LAMA2: variants seen among roughly 807,000 people sequenced by gnomAD.
The protein encoded by LAMA2 is laminin subunit alpha-2.
Under a neutral mutation model 364.8 loss-of-function variants are expected in LAMA2, and 269 were observed. That is an observed-to-expected ratio of 0.74 (90% CI 0.67 to 0.82). LAMA2 has a LOEUF of 0.82. Among genes scored for constraint, LAMA2 ranks in the 40% least tolerant of loss-of-function variants. The pLI, the probability that LAMA2 is intolerant of heterozygous loss-of-function variation, is 0.00. For synonymous variants in LAMA2, 1,379 were observed against 1,370.6 expected (o/e 1.01, Z -0.14); for missense variants, 3,807 against 3,873.2 (o/e 0.98, Z 0.45).
intron 14 of LAMA2, among the ~76,000 whole-genome samples, chr6:129,255,194 T>C (rs1786558269): frequency 1.3e-5 from 2 of 151,566 alleles, no homozygotes; most frequent in African/African-American, 4.8e-5. Flanking sequence ...GATCACGAGG[T>C]CAGTTGTTCG....
Position 129,423,103 on chromosome 6 carries a change from A to G in LAMA2, c.5866-4649A>G, listed in dbSNP as rs1313822354. Among the ~76,000 whole-genome samples the G allele has an allele frequency of 3.9e-5, 6 of 152,122 alleles. No individual in the cohort carries two copies. The South Asian group carries it at 1.2e-3, about 31-fold the overall frequency. On this transcript the variant is annotated intron_variant, in intron 40 of 64. Transcript: ENST00000421865. ...GCAAACTATATAATCACCTCAATTG[A>G]TACAGCAAAGGCATTTGACAAAATG...
intron 4 of LAMA2, among the ~76,000 whole-genome samples, chr6:129,123,806 T>A (rs1264266178): frequency 6.6e-6 from 1 of 152,226 alleles, no homozygotes; most frequent in African/African-American, 2.4e-5. Context: ...GTCCTCGAGA[T>A]CTACTGTACC....
In LAMA2 at chr6:129,047,092, A is replaced by C. The variant is rs963154858; in HGVS notation, c.113-2826A>C. Reference sequence around the variant, plus strand: ...AGAAAATAAAATGTCTAAGATAGATAATGGCGTGGAGACCATCTAATTATT... The same window carrying C: ...AGAAAATAAAATGTCTAAGATAGATCATGGCGTGGAGACCATCTAATTATT... On this transcript the variant is annotated intron_variant, in intron 1 of 64. Transcript: ENST00000421865. 4.9e-4 allele frequency among the ~76,000 whole-genome samples: 74 copies of C among 152,240 alleles called. 2 individuals carry two copies. Among genetic ancestry groups the C allele is most frequent in the Non-Finnish European group, 1.6e-4 (11 of 68,038 alleles).
chr6:128,913,583 T>G (rs1778120506), intron 1 of LAMA2, among the ~76,000 whole-genome samples: 1 of 152,196 alleles, frequency 6.6e-6, no homozygotes, highest in South Asian at 2.1e-4. Context: ...TGTAGCTTAT[T>G]GCAACACAGT....
rs143376366 is a variant in LAMA2 at position 129,486,716 on chromosome 6, G to A, written c.7898+94G>A. 8.0e-4 allele frequency: 935 copies of A among 1,175,642 alleles called. 3 individuals are homozygous for A. In the African/African-American group the frequency reaches 0.01, roughly 13 times the overall value. 72.8% of individuals were successfully genotyped at this position (1,175,642 alleles called of 1,614,324 possible). A position where few individuals can be genotyped will look rare whatever the true frequency, so the allele number is the denominator to read the frequency against. ...TCAGTATCTGCCTGAACCTCTGTGT[G>A]TGTGGACCTACTATGCATTGCAAAA... On this transcript the variant is annotated intron_variant, in intron 56 of 64. Transcript: ENST00000421865.
At position 129,507,568 on chromosome 6, in the gene LAMA2, G is replaced by A. The variant is rs1786199999; in HGVS notation, c.8783G>A (p.Ser2928Asn). Residue 2928 changes from serine (S) to asparagine (N), a missense_variant, in exon 62 of 65, where the codon AGC (serine) becomes AAC (asparagine). Physicochemically the swap from Ser to Asn is conservative, Grantham distance 46. This residue lies in a region of LAMA2 where 3,333 missense variants were observed against 3,345.7 expected (regional missense o/e 1.00). Transcript: ENST00000421865. ...GCCGATCTGGAACAACCCACCTCCA[G>A]CTTCCATGTTGGGACATGTTTTGCA... ...APADLEQPTS[S>N]FHVGTCFANA... 1 of 1,614,026 alleles carries A rather than the reference G, an allele frequency of 6.2e-7. No homozygotes were observed. The highest frequency in any genetic ancestry group is 8.5e-7 in the Non-Finnish European group (1 of 1,179,988).
At chr6:128,883,797 T>TACAC (rs1445558389) in intron 1 of LAMA2, among the ~76,000 whole-genome samples, 1 of 133,714 alleles carries the variant, frequency 7.5e-6, no homozygotes, top group African/African-American at 3.2e-5. Context: ...TATATATATA[T>TACAC]ATATACACAC....
chr6:129,356,762 CA>C (rs1234542561), intron 32 of LAMA2, among the ~76,000 whole-genome samples: 1 of 152,048 alleles, frequency 6.6e-6, no homozygotes, highest in African/African-American at 2.4e-5. Context: ...GCTAAAATTA[CA>C]AAATGAGAAA....
rs374448875 is a variant in LAMA2 at position 129,219,890 on chromosome 6, A to C, written c.1782+27037A>C. On this transcript the variant is annotated intron_variant, in intron 12 of 64. Coordinates refer to ENST00000421865, the MANE Select transcript of LAMA2 (RefSeq NM_000426.4). ...TGCTAAATGACGAGTTAATGGGTGC[A>C]GCACACCAGCATGGCACATGTATAC... 3.7e-4 allele frequency among the ~76,000 whole-genome samples: 56 copies of C among 151,170 alleles called. No individual in the cohort carries two copies. The East Asian group carries it at 0.01, about 28-fold the overall frequency.
At chr6:129,324,506 A>G (rs1775154862) in intron 28 of LAMA2, among the ~76,000 whole-genome samples, 1 of 152,194 alleles carries the variant, frequency 6.6e-6, no homozygotes, top group Non-Finnish European at 1.5e-5. Flanking sequence ...GTACTCAACT[A>G]TTATATTATG....
rs539282468 is a variant in LAMA2, at chr6:129,385,411, C to G, written c.5071+2178C>G. Among the ~76,000 whole-genome samples the G allele has an allele frequency of 7.2e-5, 11 of 151,902 alleles. No homozygotes were observed. In the South Asian group the frequency reaches 2.3e-3, roughly 32 times the overall value. On this transcript the variant is annotated intron_variant, in intron 35 of 64. Coordinates refer to ENST00000421865, the MANE Select transcript of LAMA2 (RefSeq NM_000426.4). ...AGTAGGTTATACTGTATATCCACAC[C>G]TCTTTTTCTCTCTCTCTAAACTATA...
chr6:129,132,214 T>C (rs1777528356), intron 4 of LAMA2, among the ~76,000 whole-genome samples: 1 of 150,748 alleles, frequency 6.6e-6, no homozygotes, highest in Non-Finnish European at 1.5e-5. Flanking sequence ...TCACCCAGGC[T>C]GGAGTGCAGT....
At chr6:129,329,512 C>T (rs1323611313) in intron 29 of LAMA2, among the ~76,000 whole-genome samples, 1 of 152,144 alleles carries the variant, frequency 6.6e-6, no homozygotes, top group Admixed American at 6.5e-5. Context: ...CAGGCTCACG[C>T]CACCACACCT....
In LAMA2 at chr6:129,260,842, T is replaced by C; in HGVS notation, c.2208+20T>C. 6 of 1,397,312 alleles carry C rather than the reference T, an allele frequency of 4.3e-6. No homozygotes were observed. The highest frequency in any genetic ancestry group is 6.1e-6 in the Non-Finnish European group (6 of 982,466). The allele number at this position is 1,397,312 out of a possible 1,614,324, so 86.6% of individuals were successfully genotyped here. On this transcript the variant is annotated intron_variant, in intron 15 of 64. Transcript: ENST00000421865. ...TGTGAAGTAAGCTTGCAAGAATGTA[T>C]CCTTAGTGCTTTCAAAGTTCCCTCA...
intron 1 of LAMA2, chr6:128,929,764 G>T: frequency 1.8e-6 from 2 of 1,119,894 alleles, no homozygotes; most frequent in Non-Finnish European, 2.7e-6. Flanking sequence ...ATTGGAAAAC[G>T]TGTAAAACCA....
intron 1 of LAMA2, among the ~76,000 whole-genome samples, chr6:128,895,352 G>A (rs79349632): frequency 1.8e-3 from 269 of 151,996 alleles, no homozygotes; most frequent in African/African-American, 6.2e-3. Flanking sequence ...TGAACTCATG[G>A]CGGGGCGCGG....
chr6:129,419,554 A>C (rs888888735), intron 40 of LAMA2, among the ~76,000 whole-genome samples: 4 of 152,126 alleles, frequency 2.6e-5, no homozygotes, highest in African/African-American at 9.7e-5. Context: ...ATAGGTACTG[A>C]GCAATTATGT....
chr6:129,260,781 G>A lies in LAMA2; in HGVS notation c.2167G>A (p.Val723Met), dbSNP rs1349825232. 3 of 1,612,332 alleles carry A rather than the reference G, an allele frequency of 1.9e-6. No individual in the cohort carries two copies. The highest frequency in any genetic ancestry group is 1.7e-6 in the Non-Finnish European group (2 of 1,178,542). Residue 723 changes from valine to methionine, a missense_variant, in exon 15 of 65, where the codon GTG becomes ATG. Val to Met is a conservative substitution (Grantham distance 21). Around this residue, in one of 3 missense-constraint regions of LAMA2, gnomAD observed 3,333 missense variants for 3,345.7 expected, o/e 1.00. Transcript: ENST00000421865. Reference protein sequence around the residue: ...TDGSIAAAVEVCQCPPGYTGS... With the variant: ...TDGSIAAAVEMCQCPPGYTGS... ...TGGAAGCATTGCAGCAGCTGTAGAA[G>A]TGTGTCAGTGCCCACCAGGGTATAC...
chr6:129,327,299 A>G (rs1181105038), intron 28 of LAMA2, among the ~76,000 whole-genome samples: 3 of 152,190 alleles, frequency 2.0e-5, no homozygotes, highest in African/African-American at 7.2e-5. Flanking sequence ...TGTCTAGGCC[A>G]GAACCAAAGG....
Sources: gnomAD v4.1 joint callset for allele counts (sites outside exome capture counted in the v4.1 genomes callset) on GRCh38, gnomAD v4.1.1 for gene constraint, gnomAD v4.1.1 regional missense constraint, MANE v1.5 for transcripts, NCBI Gene and HGNC (gene_info 2026-07-23, HGNC 2026-07-21) for gene names.